Variants in RREB1 observed in about 807,000 individuals in gnomAD.
RREB1 encodes the protein ras-responsive element-binding protein 1.
A neutral mutation model predicts 117.8 loss-of-function variants in RREB1; 27 were observed. The observed-to-expected ratio is 0.23, with a 90% CI of 0.17 to 0.32. The LOEUF (loss-of-function observed/expected upper bound fraction) is 0.32, where lower values mean the gene tolerates loss of function less well. Among genes scored for constraint, RREB1 ranks in the 10% least tolerant of loss-of-function variants. RREB1 has a pLI of 1.00. For missense variants in RREB1, 2,577 were observed against 2,378.2 expected (o/e 1.08, Z -1.74); for synonymous variants, 1,298 against 1,026.7 (o/e 1.26, Z -5.05).
intron 1 of RREB1, among the ~76,000 whole-genome samples, chr6:7,120,813 A>ATTTTTTT (rs754044532): frequency 2.7e-5 from 3 of 109,664 alleles, no homozygotes; most frequent in African/African-American, 3.7e-5. Context: ...CGCTTGGCTA[A>ATTTTTTT]TTTTTTTTTT....
At position 7,250,727 on chromosome 6, in the gene RREB1, G is replaced by A. The variant is rs2714338; in HGVS notation, c.*1759G>A. The A allele has an allele frequency of 0.33, 50,719 of 151,824 alleles. 8,591 individuals are homozygous for A. Among genetic ancestry groups the A allele is most frequent in the East Asian group, 0.4 (2,040 of 5,134 alleles). 9.4% of individuals were successfully genotyped at this position (151,824 alleles called of 1,614,324 possible). A position where few individuals can be genotyped will look rare whatever the true frequency, so the allele number is the denominator to read the frequency against. On this transcript the variant is annotated 3_prime_UTR_variant, in exon 13 of 13. Transcript: ENST00000379938. ...CCCCCTTTTCTCCGCCACTTCACCA[G>A]TTTCTGAAATCCAACCTCCCAGACT...
At chr6:7,125,373 G>A (rs1028462338) in intron 1 of RREB1, among the ~76,000 whole-genome samples, 1 of 152,200 alleles carries the variant, frequency 6.6e-6, no homozygotes, top group African/African-American at 2.4e-5. Context: ...CTTTTGCGTG[G>A]TGGGAAATGT....
intron 1 of RREB1, among the ~76,000 whole-genome samples, chr6:7,171,818 G>A (rs1257900518): frequency 2.0e-5 from 3 of 152,182 alleles, no homozygotes; most frequent in Admixed American, 1.3e-4. Context: ...GGTGCAGGCA[G>A]ATATTCTGGG....
At chr6:7,240,669 C>A in intron 11 of RREB1, 67 bp downstream of exon 11, 1 of 1,464,414 alleles carries the variant, frequency 6.8e-7, no homozygotes, top group Non-Finnish European at 9.4e-7. Flanking sequence ...AGAATTGTAG[C>A]AAACTCCAGT....
At chr6:7,109,411 T>C (rs1761025227) in intron 1 of RREB1, among the ~76,000 whole-genome samples, 1 of 150,004 alleles carries the variant, frequency 6.7e-6, no homozygotes, top group South Asian at 2.2e-4. Context: ...GCGTGTTTTC[T>C]GGACCGGGCC....
intron 1 of RREB1, among the ~76,000 whole-genome samples, chr6:7,113,167 G>C (rs1480509872): frequency 6.6e-6 from 1 of 152,160 alleles, no homozygotes; most frequent in Non-Finnish European, 1.5e-5. Flanking sequence ...GACTGCTCCT[G>C]CAGGGATTCA....
In RREB1 at chr6:7,246,669, G is replaced by C. The variant is rs139779575; in HGVS notation, c.4219G>C (p.Glu1407Gln). 4 of 1,581,044 alleles carry C rather than the reference G, an allele frequency of 2.5e-6. No homozygotes were observed. Among genetic ancestry groups the C allele is most frequent in the Non-Finnish European group, 3.4e-6 (4 of 1,163,764 alleles). ...GAGCACTGGGGACGCCGACGGCGCG[G>C]AAGAGGACGCGTCGAGCAACCAGAG... is the stretch of plus-strand genomic sequence containing the variant. ...EESTGDADGA[E>Q]EDASSNQSLD... The change falls in exon 12 of 13, where the codon GAA becomes CAA. Residue 1407 changes from glutamate to glutamine, a missense_variant. Physicochemically the swap from Glu to Gln is conservative, Grantham distance 29 (BLOSUM62 2). Transcript: ENST00000379938.
rs575494992 is a variant in RREB1, at chr6:7,123,736, G to A, written c.-285+15676G>A. On this transcript the variant is annotated intron_variant, in intron 1 of 12. Transcript: ENST00000379938. ...CACCATTCTCCTGCCTCAGCCTCCC[G>A]AGTAGCTGGGACTACAGGCGCCCGC... Among the ~76,000 whole-genome samples the A allele has an allele frequency of 2.5e-4, 37 of 148,446 alleles. No individual in the cohort carries two copies. In the South Asian group the frequency reaches 6.9e-3, roughly 28 times the overall value.
intron 4 of RREB1, among the ~76,000 whole-genome samples, chr6:7,184,271 A>T (rs182526331): frequency 0.028 from 4,237 of 150,162 alleles, 147 homozygotes; most frequent in African/African-American, 0.081. Flanking sequence ...TTTTATTATT[A>T]TTATTTTTTT....
At chr6:7,167,616 C>T (rs1764011810) in intron 1 of RREB1, among the ~76,000 whole-genome samples, 1 of 152,112 alleles carries the variant, frequency 6.6e-6, no homozygotes, top group African/African-American at 2.4e-5. Flanking sequence ...CAGGCGTGAG[C>T]CACCGCTCCC....
At chr6:7,239,279 TA>T (rs1474617896) in intron 10 of RREB1, among the ~76,000 whole-genome samples, 1 of 152,220 alleles carries the variant, frequency 6.6e-6, no homozygotes. Flanking sequence ...CAAAACCTTT[TA>T]CCCTGTAACA....
intron 8 of RREB1, among the ~76,000 whole-genome samples, chr6:7,221,718 G>C (rs1767271013): frequency 6.6e-6 from 1 of 152,240 alleles, no homozygotes; most frequent in Non-Finnish European, 1.5e-5. Context: ...GGTGAAGGGA[G>C]CAGGTGGGAT....
chr6:7,208,330 GCAGAGCAGGGGT>G (rs1766388909), intron 6 of RREB1, among the ~76,000 whole-genome samples: 1 of 152,202 alleles, frequency 6.6e-6, no homozygotes, highest in Admixed American at 6.5e-5. Context: ...GGCTAGGGAA[GCAGAGCAGGGGT>G]CAGAGCAGTG....
intron 1 of RREB1, among the ~76,000 whole-genome samples, chr6:7,117,092 A>G (rs1761431170): frequency 6.6e-6 from 1 of 152,212 alleles, no homozygotes; most frequent in Non-Finnish European, 1.5e-5. Context: ...CCAGAAATCT[A>G]CAGGGTATAA....
Position 7,251,710 on chromosome 6 carries a change from A to G in RREB1, c.*2742A>G, listed in dbSNP as rs961454804. The G allele has an allele frequency of 6.6e-5, 10 of 152,158 alleles. No individual in the cohort carries two copies. The highest frequency in any genetic ancestry group is 2.2e-4 in the African/African-American group (9 of 41,430). The allele number at this position is 152,158 out of a possible 1,614,324, so 9.4% of individuals were successfully genotyped here. A position where few individuals can be genotyped will look rare whatever the true frequency, so the allele number is the denominator to read the frequency against. ...CCTCTCCTCTTTCTTCAAGAAGGAA[A>G]TTGATCCTAGTGATTTCAGCCCATG... is the stretch of plus-strand genomic sequence containing the variant. On this transcript the variant is annotated 3_prime_UTR_variant, in exon 13 of 13. Coordinates refer to ENST00000379938, the MANE Select transcript of RREB1 (RefSeq NM_001003699.4).
intron 1 of RREB1, among the ~76,000 whole-genome samples, chr6:7,144,968 C>T (rs1275993067): frequency 2.0e-5 from 3 of 152,108 alleles, no homozygotes; most frequent in East Asian, 3.9e-4. Flanking sequence ...TATAAAATTG[C>T]GACATACAAA....
intron 1 of RREB1, among the ~76,000 whole-genome samples, chr6:7,130,152 T>C (rs1163118241): frequency 6.6e-6 from 1 of 152,232 alleles, no homozygotes. Context: ...TGCCTTCACC[T>C]GCCCTCACTG....
At chr6:7,113,365 A>G (rs1010962434) in intron 1 of RREB1, among the ~76,000 whole-genome samples, 6 of 152,196 alleles carry the variant, frequency 3.9e-5, no homozygotes, top group Non-Finnish European at 8.8e-5. Context: ...TTCAGAGACT[A>G]TGGGATAGAA....
At chr6:7,245,802 C>T (rs946599872) in intron 11 of RREB1, among the ~76,000 whole-genome samples, 2 of 152,190 alleles carry the variant, frequency 1.3e-5, no homozygotes, top group African/African-American at 2.4e-5. Flanking sequence ...TTCCACCACC[C>T]CTGGGAGGCT....
Sources: gnomAD v4.1 joint callset for allele counts (sites outside exome capture counted in the v4.1 genomes callset) on GRCh38, gnomAD v4.1.1 for gene constraint, MANE v1.5 for transcripts, NCBI Gene and HGNC (gene_info 2026-07-23, HGNC 2026-07-21) for gene names.